Variants in TECRL observed in about 807,000 individuals in gnomAD.
TECRL encodes the protein trans-2,3-enoyl-CoA reductase-like.
TECRL carries 63 observed loss-of-function variants against 52.8 expected under a neutral mutation model. The observed-to-expected ratio is 1.19, with a 90% CI of 0.97 to 1.47. TECRL has a LOEUF of 1.47. Ranked by LOEUF, TECRL falls within the 40% of genes most tolerant of loss-of-function variation. The pLI is 0.00. For synonymous variants in TECRL, 164 were observed against 141.9 expected, an observed-to-expected ratio of 1.16 and a Z score of -1.10; for missense variants, 482 against 429.6, an observed-to-expected ratio of 1.12 and a Z score of -1.08.
chr4:64,276,622 C>G (rs1003243468), downstream of TECRL: 1 of 153,448 alleles, frequency 6.5e-6, no homozygotes, highest in African/African-American at 2.4e-5. Flanking sequence ...AATTGAGACA[C>G]TTACAACTAA....
intron 2 of TECRL, among the ~76,000 whole-genome samples, chr4:64,348,418 G>A (rs892116646): frequency 9.9e-5 from 15 of 152,182 alleles, no homozygotes; most frequent in African/African-American, 1.4e-4. Flanking sequence ...TTCAAGGCAA[G>A]ATTTGTGTGG....
intron 1 of TECRL, among the ~76,000 whole-genome samples, chr4:64,408,064 T>C (rs1017982730): frequency 6.6e-6 from 1 of 151,706 alleles, no homozygotes; most frequent in African/African-American, 2.4e-5. Flanking sequence ...TAATAAAAGG[T>C]CTTAATCTTT....
intron 3 of TECRL, 143 bp from the exon 4 acceptor site, chr4:64,322,935 C>T (rs1203563980): frequency 1.5e-6 from 1 of 653,076 alleles, no homozygotes; most frequent in East Asian, 2.9e-5. Flanking sequence ...CAAAGTAAAA[C>T]AAAATGTGAA....
At chr4:64,382,282 A>G (rs986772500) in intron 1 of TECRL, among the ~76,000 whole-genome samples, 4 of 144,570 alleles carry the variant, frequency 2.8e-5, no homozygotes, top group African/African-American at 1.0e-4. Context: ...TATATATTAT[A>G]TTATATTATA....
chr4:64,380,588 A>G (rs1722715577), intron 1 of TECRL, among the ~76,000 whole-genome samples: 1 of 152,078 alleles, frequency 6.6e-6, no homozygotes, highest in Non-Finnish European at 1.5e-5. Context: ...TGTTTGATAA[A>G]AGATGGGGTC....
chr4:64,354,306 CA>C (rs1157271612), intron 2 of TECRL, among the ~76,000 whole-genome samples: 1 of 152,086 alleles, frequency 6.6e-6, no homozygotes, highest in Non-Finnish European at 1.5e-5. Flanking sequence ...AGAGGGAAAT[CA>C]TAGCACAAAT....
At chr4:64,408,651 A>T (rs534148188) in intron 1 of TECRL, among the ~76,000 whole-genome samples, 1 of 152,202 alleles carries the variant, frequency 6.6e-6, no homozygotes, top group African/African-American at 2.4e-5. Flanking sequence ...AATAATGCTT[A>T]AATGATTAAA....
At chr4:64,292,033 A>G (rs890559798) in intron 8 of TECRL, among the ~76,000 whole-genome samples, 4 of 151,990 alleles carry the variant, frequency 2.6e-5, no homozygotes, top group Non-Finnish European at 4.4e-5. Context: ...CCTTCAGGTG[A>G]ATCCAATACA....
At chr4:64,346,979 C>T (rs192131527) in intron 2 of TECRL, among the ~76,000 whole-genome samples, 3 of 152,180 alleles carry the variant, frequency 2.0e-5, no homozygotes, top group South Asian at 4.1e-4. Context: ...TGTGTGCCTA[C>T]GTCTGTACAG....
intron 2 of TECRL, among the ~76,000 whole-genome samples, chr4:64,343,096 G>A (rs1258663509): frequency 6.6e-6 from 1 of 151,964 alleles, no homozygotes; most frequent in African/African-American, 2.4e-5. Context: ...AAAAAAGGGG[G>A]AATAAAGGGT....
chr4:64,374,327 T>C (rs1006180160), intron 2 of TECRL, among the ~76,000 whole-genome samples: 6 of 151,604 alleles, frequency 4.0e-5, no homozygotes, highest in African/African-American at 1.4e-4. Flanking sequence ...CATTTGCAAT[T>C]TATTTCTATA....
intron 2 of TECRL, among the ~76,000 whole-genome samples, chr4:64,372,950 A>G (rs978351199): frequency 1.9e-4 from 29 of 151,716 alleles, no homozygotes; most frequent in African/African-American, 7.0e-4. Context: ...CTAGTTTTAA[A>G]ATATGCTAAA....
At chr4:64,401,181 A>T (rs1724335604) in intron 1 of TECRL, among the ~76,000 whole-genome samples, 1 of 152,208 alleles carries the variant, frequency 6.6e-6, no homozygotes, top group South Asian at 2.1e-4. Context: ...GATCTGAAAA[A>T]AAATGATTAC....
intron 1 of TECRL, among the ~76,000 whole-genome samples, chr4:64,384,809 A>T (rs1020690913): frequency 6.6e-6 from 1 of 152,094 alleles, no homozygotes; most frequent in African/African-American, 2.4e-5. Flanking sequence ...GTTATGCATG[A>T]ATTCTTGTGG....
chr4:64,381,683 A>G (rs1722806842), intron 1 of TECRL, among the ~76,000 whole-genome samples: 1 of 152,100 alleles, frequency 6.6e-6, no homozygotes, highest in African/African-American at 2.4e-5. Flanking sequence ...TGTTGATATG[A>G]TATATCATAT....
intron 8 of TECRL, among the ~76,000 whole-genome samples, chr4:64,294,357 A>G (rs1263407345): frequency 6.6e-6 from 1 of 152,166 alleles, no homozygotes; most frequent in East Asian, 1.9e-4. Context: ...TTTAATTGAA[A>G]TGTAGACATT....
At chr4:64,357,224 T>A (rs1254072949) in intron 2 of TECRL, among the ~76,000 whole-genome samples, 1 of 151,916 alleles carries the variant, frequency 6.6e-6, no homozygotes, top group African/African-American at 2.4e-5. Flanking sequence ...ACAGTACTCA[T>A]TAAAATAAGT....
At chr4:64,296,778 G>A (rs1167248226) in intron 8 of TECRL, among the ~76,000 whole-genome samples, 3 of 151,678 alleles carry the variant, frequency 2.0e-5, no homozygotes, top group East Asian at 1.9e-4. Context: ...TTCAGAGGAT[G>A]AGGTGGGGTC....
chr4:64,281,478 T>G lies in TECRL; in HGVS notation c.914A>C (p.Tyr305Ser). ...FFLVSCPNYT[Y>S]EIGSWISFTV... ...TTACATACATAAATAACATACCTCATAGGTGTAGTTAGGACATGAAACCAG... is the reference window on the plus strand; with the variant it reads ...TTACATACATAAATAACATACCTCAGAGGTGTAGTTAGGACATGAAACCAG... Residue 305 changes from tyrosine to serine, a missense_variant, in exon 10 of 12, where the codon TAT becomes TCT. Transcript: ENST00000381210. The G allele has an allele frequency of 6.3e-7, 1 of 1,582,162 alleles. No individual in the cohort carries two copies. Among genetic ancestry groups the G allele is most frequent in the African/African-American group, 1.4e-5 (1 of 73,994 alleles).
Sources: allele counts gnomAD v4.1 joint callset (sites outside exome capture counted in the v4.1 genomes callset), GRCh38; gene constraint gnomAD v4.1.1; transcripts MANE v1.5; gene names NCBI Gene and HGNC (gene_info 2026-07-23, HGNC 2026-07-21).